MGAT4C: variants seen among roughly 807,000 people sequenced by gnomAD.
The protein encoded by MGAT4C is MGAT4 family member C.
In MGAT4C, 19 loss-of-function variants were observed where a neutral mutation model predicts 40.1. The ratio of observed to expected loss-of-function variants is 0.47; its 90% CI spans 0.33 to 0.70. MGAT4C has a LOEUF of 0.70. Among genes scored for constraint, MGAT4C ranks in the 30% least tolerant of loss-of-function variants. The pLI is 0.02. For missense variants in MGAT4C, 491 were observed against 563.2 expected (o/e 0.87, Z 1.30); for synonymous variants, 181 against 187.1 (o/e 0.97, Z 0.27).
intron 2 of MGAT4C, among the ~76,000 whole-genome samples, chr12:86,618,088 T>C (rs1458073412): frequency 6.6e-6 from 1 of 152,050 alleles, no homozygotes; most frequent in Non-Finnish European, 1.5e-5. Context: ...ATACTCAATA[T>C]CACTAACTTC....
intron 3 of MGAT4C, among the ~76,000 whole-genome samples, chr12:86,356,555 G>A (rs1232071040): frequency 1.3e-5 from 2 of 152,110 alleles, no homozygotes; most frequent in Non-Finnish European, 2.9e-5. Context: ...AGGCGTCTGG[G>A]AATTCCCTTT....
chr12:86,819,269 C>T (rs1412091450), intron 1 of MGAT4C, among the ~76,000 whole-genome samples: 1 of 150,674 alleles, frequency 6.6e-6, no homozygotes, highest in African/African-American at 2.4e-5. Context: ...TTGTCTAAGC[C>T]CTCACAGCTA....
At chr12:86,709,067 T>C (rs568159835) in intron 2 of MGAT4C, among the ~76,000 whole-genome samples, 8 of 152,292 alleles carry the variant, frequency 5.3e-5, no homozygotes, top group South Asian at 2.1e-4. Context: ...GAATTGGCTG[T>C]GTCCCCACCC....
intron 1 of MGAT4C, among the ~76,000 whole-genome samples, chr12:86,791,607 C>T (rs1324351966): frequency 6.6e-6 from 1 of 152,014 alleles, no homozygotes; most frequent in Non-Finnish European, 1.5e-5. Flanking sequence ...TTCACATATC[C>T]TATTTTATTC....
intron 2 of MGAT4C, among the ~76,000 whole-genome samples, chr12:86,709,277 A>G (rs1015853783): frequency 6.6e-6 from 1 of 152,154 alleles, no homozygotes; most frequent in African/African-American, 2.4e-5. Flanking sequence ...ACCTTTCACC[A>G]TGATTGTCAG....
At position 86,836,445 on chromosome 12, in the gene MGAT4C, A is replaced by T. The variant is rs146436107; in HGVS notation, c.-262+2221T>A. On this transcript the variant is annotated intron_variant, in intron 1 of 7. Transcript: ENST00000548651. Reference sequence around the variant, plus strand: ...TACATGTTGCTTGGAAGCAACAAACATATCATGGGCACTCAGTAAATGTTA... The same window carrying T: ...TACATGTTGCTTGGAAGCAACAAACTTATCATGGGCACTCAGTAAATGTTA... 1.6e-4 allele frequency among the ~76,000 whole-genome samples: 24 copies of T among 152,146 alleles called. No homozygotes were observed. The East Asian group carries it at 4.5e-3, about 28-fold the overall frequency.
At chr12:86,818,422 T>C (rs1165379630) in intron 1 of MGAT4C, among the ~76,000 whole-genome samples, 1 of 151,174 alleles carries the variant, frequency 6.6e-6, no homozygotes, top group Non-Finnish European at 1.5e-5. Context: ...TCAATAATTA[T>C]AAAGAAGCAG....
chr12:86,813,989 C>A (rs1952531593), intron 1 of MGAT4C, among the ~76,000 whole-genome samples: 2 of 151,762 alleles, frequency 1.3e-5, no homozygotes, highest in East Asian at 3.9e-4. Flanking sequence ...TGGCTCACTG[C>A]AACCTCCGCC....
intron 3 of MGAT4C, among the ~76,000 whole-genome samples, chr12:86,356,119 TATA>T (rs987020983): frequency 2.0e-5 from 3 of 151,994 alleles, no homozygotes; most frequent in African/African-American, 4.8e-5. Flanking sequence ...CCCAACCAAA[TATA>T]ATAAGGTATG....
chr12:86,749,554 A>C (rs1429601155), intron 1 of MGAT4C, among the ~76,000 whole-genome samples: 1 of 151,720 alleles, frequency 6.6e-6, no homozygotes, highest in Non-Finnish European at 1.5e-5. Flanking sequence ...CAGATTTTAA[A>C]ATTTTCTCTT....
At chr12:86,717,334 ATAC>A (rs769695216) in intron 2 of MGAT4C, among the ~76,000 whole-genome samples, 4 of 152,110 alleles carry the variant, frequency 2.6e-5, no homozygotes, top group East Asian at 3.9e-4. Context: ...TAAAACATTG[ATAC>A]TACAAGAGAA....
At chr12:86,082,043 T>C (rs1161009770) in intron 1 of MGAT4C, among the ~76,000 whole-genome samples, 4 of 152,202 alleles carry the variant, frequency 2.6e-5, no homozygotes, top group Non-Finnish European at 5.9e-5. Context: ...AGCAGAATCC[T>C]TGGCAGGCAT....
chr12:86,479,703 T>C (rs1173956427), intron 2 of MGAT4C, among the ~76,000 whole-genome samples: 1 of 151,906 alleles, frequency 6.6e-6, no homozygotes, highest in Non-Finnish European at 1.5e-5. Flanking sequence ...ATGGTACTCT[T>C]TGTAAGCGAA....
At chr12:86,256,635 A>C (rs1222180409), upstream of MGAT4C, among the ~76,000 whole-genome samples, 1 of 152,186 alleles carries the variant, frequency 6.6e-6, no homozygotes, top group African/African-American at 2.4e-5. Context: ...AGACTGATTT[A>C]CCTAATTAAT....
chr12:86,714,269 C>A (rs536684807), intron 2 of MGAT4C, among the ~76,000 whole-genome samples: 8 of 152,168 alleles, frequency 5.3e-5, no homozygotes, highest in African/African-American at 1.7e-4. Flanking sequence ...ATAAGTTGCA[C>A]TTTGAAGACA....
chr12:86,103,649 T>C (rs1949165789), intron 1 of MGAT4C, among the ~76,000 whole-genome samples: 4 of 152,144 alleles, frequency 2.6e-5, no homozygotes, highest in Admixed American at 2.6e-4. Flanking sequence ...TTTTCTTTTG[T>C]CTGTCTAAAC....
intron 1 of MGAT4C, among the ~76,000 whole-genome samples, chr12:86,082,789 A>C (rs750652964): frequency 2.6e-5 from 4 of 152,068 alleles, no homozygotes; most frequent in Non-Finnish European, 4.4e-5. Context: ...TCCAAAGTTA[A>C]TTTGGATTTT....
At chr12:86,507,436 C>T (rs947280797) in intron 2 of MGAT4C, among the ~76,000 whole-genome samples, 9 of 152,076 alleles carry the variant, frequency 5.9e-5, no homozygotes, top group Non-Finnish European at 1.2e-4. Flanking sequence ...ACTTGCTTTG[C>T]CCAGTGGGAT....
intron 2 of MGAT4C, among the ~76,000 whole-genome samples, chr12:86,466,000 G>C (rs1189064194): frequency 6.6e-6 from 1 of 152,056 alleles, no homozygotes. Context: ...CCTAAGGTCA[G>C]AAGTTCGAGA....
Sources: allele counts gnomAD v4.1 joint callset (sites outside exome capture counted in the v4.1 genomes callset), GRCh38; gene constraint gnomAD v4.1.1; transcripts MANE v1.5; gene names NCBI Gene and HGNC (gene_info 2026-07-23, HGNC 2026-07-21).